Variants in WSB2 observed in about 807,000 individuals in gnomAD.
WSB2 encodes the protein WD repeat and SOCS box-containing protein 2.
A neutral mutation model predicts 48.8 loss-of-function variants in WSB2; 12 were observed. The ratio of observed to expected loss-of-function variants is 0.25; its 90% confidence interval spans 0.16 to 0.40. The LOEUF (loss-of-function observed/expected upper bound fraction) is 0.40. Among genes scored for constraint, WSB2 ranks in the 10% least tolerant of loss-of-function variants. WSB2 has a pLI of 1.00. For missense variants in WSB2, 317 were observed against 506.2 expected (o/e 0.63, Z 3.59); for synonymous variants, 191 against 203.1 (o/e 0.94, Z 0.51).
At chr12:118,044,546 C>G (rs755938709) in intron 2 of WSB2, among the ~76,000 whole-genome samples, 2 of 152,112 alleles carry the variant, frequency 1.3e-5, no homozygotes, top group African/African-American at 2.4e-5. Flanking sequence ...GATGGTAACC[C>G]GCACAAGGAT....
chr12:118,052,277 C>A, intron 2 of WSB2, 33 bp downstream of exon 2: 1 of 1,603,974 alleles, frequency 6.2e-7, no homozygotes, highest in Non-Finnish European at 8.5e-7. Context: ...TTTGGAAATG[C>A]GCCGGATGGG....
Position 118,034,316 on chromosome 12 carries a change from G to C in WSB2, c.1095C>G (p.Val365=). 1 of 1,614,216 alleles carries C rather than the reference G, an allele frequency of 6.2e-7. No individual in the cohort carries two copies. Among genetic ancestry groups the C allele is most frequent in the Non-Finnish European group, 8.5e-7 (1 of 1,180,036 alleles). The stretch of plus-strand genomic sequence containing the variant: ...GGCATAAGTGCTTCAGTGAGGACAG[G>C]ACCCTAGGAGCTGTCCAGAACTGGA... ...GHVQFWTAPR[V]LSSLKHLCRK... is the part of the protein sequence containing the mutation. Residue 365 remains valine, a synonymous_variant, in exon 9 of 9, where the codon GTC becomes GTG. Transcript: ENST00000315436.
chr12:118,055,366 A>G (rs1206801455), intron 1 of WSB2, among the ~76,000 whole-genome samples: 1 of 152,154 alleles, frequency 6.6e-6, no homozygotes, highest in Non-Finnish European at 1.5e-5. Context: ...CAACAATGCC[A>G]AGGCTGAGAA....
chr12:118,052,612 C>T (rs750567858), intron 1 of WSB2, 134 bp from the exon 2 acceptor site: 28 of 1,394,112 alleles, frequency 2.0e-5, no homozygotes, highest in Non-Finnish European at 2.6e-5. Context: ...CTTAAATGAC[C>T]CAGGGCAATA....
At position 118,036,338 on chromosome 12, in the gene WSB2, T is replaced by C. The variant is rs1452481935; in HGVS notation, c.833A>G (p.His278Arg). The C allele has an allele frequency of 6.2e-7, 1 of 1,613,712 alleles. No homozygotes were observed. Among genetic ancestry groups the C allele is most frequent in the Non-Finnish European group, 8.5e-7 (1 of 1,179,738 alleles). The change falls in exon 6 of 9, where the codon CAC becomes CGC. Residue 278 changes from histidine to arginine, a missense_variant and splice_region_variant. By Grantham distance (29) the His-to-Arg change is conservative (BLOSUM62 0). Coordinates refer to ENST00000315436, the MANE Select transcript of WSB2 (RefSeq NM_018639.5). ...GTCATAGCAGGGATTCAGTCCTTAC[T>C]GGAGTGACCTCAGCCTTTCGCCGGT... ...PYTGERLRSL[H>R]HTQVDPAMDD...
chr12:118,048,309 C>T (rs565995390), intron 2 of WSB2, among the ~76,000 whole-genome samples: 31 of 151,838 alleles, frequency 2.0e-4, no homozygotes, highest in Admixed American at 6.6e-4. Context: ...GTGATTTTGC[C>T]AGGTGCAATG....
upstream of WSB2, chr12:118,062,031 A>T: frequency 7.0e-7 from 1 of 1,437,012 alleles, no homozygotes; most frequent in Non-Finnish European, 9.3e-7. Flanking sequence ...TGAAAACCGG[A>T]GTGGGGGTGG....
chr12:118,035,053 C>T lies in WSB2; in HGVS notation c.985G>A (p.Ala329Thr). 6.2e-7 allele frequency: 1 copy of T among 1,614,162 alleles called. No individual in the cohort carries two copies. The highest frequency in any genetic ancestry group is 8.5e-7 in the Non-Finnish European group (1 of 1,180,042). The change falls in exon 8 of 9, where the codon GCA becomes ACA. Residue 329 changes from alanine (A) to threonine (T), a missense_variant. By Grantham distance (58) the Ala-to-Thr change is moderately conservative. This residue lies in a region of WSB2 where 189 missense variants were observed against 349.6 expected (regional missense o/e 0.54). Transcript: ENST00000315436. ...IWALELKTPI[A>T]FAPMTNGLCC... ...AGCCCATTGGTCATAGGAGCAAATGCAATGGGAGTTTTCAGTTCCAGGGCC... is the reference window on the plus strand; with the variant it reads ...AGCCCATTGGTCATAGGAGCAAATGTAATGGGAGTTTTCAGTTCCAGGGCC...
rs1415163489 is a variant in WSB2, at chr12:118,036,507, A to T, written c.664T>A (p.Phe222Ile). 6.2e-7 allele frequency: 1 copy of T among 1,610,124 alleles called. No homozygotes were observed. Among genetic ancestry groups the T allele is most frequent in the South Asian group, 1.1e-5 (1 of 90,784 alleles). ...LCSAAGEKSV[F>I]LWSMRSYTLI... ...GTGTAGGACCTCATGCTCCATAGAAAGACCTGTGGAAAGTAAGAAGTGCCT... is the reference window on the plus strand; with the variant it reads ...GTGTAGGACCTCATGCTCCATAGAATGACCTGTGGAAAGTAAGAAGTGCCT... The change falls in exon 6 of 9, where the codon TTT becomes ATT. Residue 222 changes from phenylalanine to isoleucine, a missense_variant. Physicochemically the swap from Phe to Ile is conservative, Grantham distance 21. Coordinates refer to ENST00000315436, the MANE Select transcript of WSB2 (RefSeq NM_018639.5).
At chr12:118,043,501 G>A (rs772167480) in intron 2 of WSB2, 124 bp from the exon 3 acceptor site, 54 of 1,429,602 alleles carry the variant, frequency 3.8e-5, no homozygotes, top group Non-Finnish European at 4.7e-5. Context: ...CTGGCGTACA[G>A]TGACACAATC....
chr12:118,058,943 G>A lies in WSB2; in HGVS notation c.13+2093C>T, dbSNP rs567082141. On this transcript the variant is annotated intron_variant, in intron 1 of 8. Coordinates refer to ENST00000315436, the MANE Select transcript of WSB2 (RefSeq NM_018639.5). ...ACTCCTGGCCTCAAGTGATCTGCCC[G>A]CCTCAGCCTCCCAAAGTGCTGAGAT... Among the ~76,000 whole-genome samples the A allele has an allele frequency of 5.9e-5, 9 of 152,168 alleles. No individual in the cohort carries two copies. In the South Asian group the frequency reaches 1.0e-3, roughly 18 times the overall value.
At position 118,061,085 on chromosome 12, in the gene WSB2, GCCTCAGCCCCCCGGGCCGCGGGC is replaced by G; in HGVS notation, c.-60_-38del. On this transcript the variant is annotated 5_prime_UTR_variant, in exon 1 of 9. The change abolishes the stop of an existing upstream ORF in the 5' untranslated region. Transcript: ENST00000315436. ...GCGGCCCCCGCGGCAGGCGGCGGGC[GCCTCAGCCCCCCGGGCCGCGGGC>G]CCTCATGCCGCCCCCGCGCCGCCCG... is the stretch of plus-strand genomic sequence containing the variant. The G allele has an allele frequency of 1.0e-6, 1 of 981,528 alleles. No homozygotes were observed. Among genetic ancestry groups the G allele is most frequent in the Non-Finnish European group, 1.2e-6 (1 of 828,666 alleles). The allele number at this position is 981,528 out of a possible 1,614,324, so 60.8% of individuals were successfully genotyped here.
intron 4 of WSB2, among the ~76,000 whole-genome samples, chr12:118,039,734 TTTC>T (rs1275888217): frequency 1.3e-4 from 20 of 152,066 alleles, no homozygotes; most frequent in Non-Finnish European, 2.9e-5. Flanking sequence ...AAAATTAATA[TTTC>T]TTTTTTATTT....
chr12:118,042,733 G>GA lies in WSB2; in HGVS notation c.559+107dup, dbSNP rs371661725. On this transcript the variant is annotated intron_variant, in intron 4 of 8. Coordinates refer to ENST00000315436, the MANE Select transcript of WSB2 (RefSeq NM_018639.5). ...AAAGGCTCCTTAAGGGGCAATCACA[G>GA]AAAAAAACATCAAGAAACACTGTTT... 952 of 1,517,918 alleles carry GA rather than the reference G, an allele frequency of 6.3e-4. 2 individuals carry two copies. In the African/African-American group the frequency reaches 0.012, roughly 18 times the overall value. 94.0% of individuals were successfully genotyped at this position (1,517,918 alleles called of 1,614,324 possible). A position where few individuals can be genotyped will look rare whatever the true frequency, so the allele number is the denominator to read the frequency against.
chr12:118,038,926 A>G (rs1164856872), intron 4 of WSB2, among the ~76,000 whole-genome samples: 1 of 152,066 alleles, frequency 6.6e-6, no homozygotes, highest in Non-Finnish European at 1.5e-5. Flanking sequence ...GGTGCTGATC[A>G]CTTTTTTTAT....
At chr12:118,040,775 C>A (rs979946058) in intron 4 of WSB2, among the ~76,000 whole-genome samples, 3 of 151,918 alleles carry the variant, frequency 2.0e-5, no homozygotes, top group Middle Eastern at 3.4e-3. Flanking sequence ...AGGCCAGGCG[C>A]AGTGGCTCAC....
intron 2 of WSB2, among the ~76,000 whole-genome samples, chr12:118,050,110 G>A (rs559796035): frequency 6.6e-6 from 1 of 152,254 alleles, no homozygotes; most frequent in South Asian, 2.1e-4. Context: ...TGAGGCAGGA[G>A]GGAAGTGGAG....
intron 1 of WSB2, 190 bp from the exon 2 acceptor site, chr12:118,052,668 A>T: frequency 1.3e-6 from 1 of 775,600 alleles, no homozygotes; most frequent in Non-Finnish European, 2.0e-6. Context: ...CAATCCTGGC[A>T]CTCCTCACTG....
At chr12:118,055,861 C>T (rs891093751) in intron 1 of WSB2, among the ~76,000 whole-genome samples, 2 of 151,312 alleles carry the variant, frequency 1.3e-5, no homozygotes, top group African/African-American at 2.4e-5. Flanking sequence ...GCAATCCGCC[C>T]ACCTCGGACT....
Sources: allele counts gnomAD v4.1 joint callset (sites outside exome capture counted in the v4.1 genomes callset), GRCh38; gene constraint gnomAD v4.1.1; regional missense constraint gnomAD v4.1.1; transcripts MANE v1.5; gene names NCBI Gene and HGNC (gene_info 2026-07-23, HGNC 2026-07-21).